Variants in TADA2A observed in about 807,000 individuals in gnomAD.
The protein encoded by TADA2A is transcriptional adapter 2-alpha.
In TADA2A, 38 loss-of-function variants were observed where a neutral mutation model predicts 67.4. That is an observed-to-expected ratio of 0.56 (90% confidence interval 0.44 to 0.74). The LOEUF is 0.74. Ranked by LOEUF, TADA2A falls within the 30% of genes least tolerant of loss-of-function variation. The probability of loss-of-function intolerance (pLI) is 0.00; values close to 1 mark genes in which losing one functional copy is unlikely to be tolerated. For missense variants in TADA2A, 454 were observed against 547.0 expected (o/e 0.83, Z 1.70); for synonymous variants, 192 against 181.6 (o/e 1.06, Z -0.46).
intron 7 of TADA2A, among the ~76,000 whole-genome samples, chr17:37,443,630 A>G (rs1204991717): frequency 6.6e-6 from 1 of 152,202 alleles, no homozygotes; most frequent in African/African-American, 2.4e-5. Context: ...TTATTCTATT[A>G]AAGGCCAGAT....
intron 6 of TADA2A, among the ~76,000 whole-genome samples, chr17:37,442,198 C>CTTTTT (rs760306260): frequency 6.4e-4 from 48 of 75,396 alleles, no homozygotes; most frequent in East Asian, 7.6e-4. Context: ...TTTTTCCCGT[C>CTTTTT]TTTTTTTTTT....
At chr17:37,453,793 A>G (rs1289768213) in intron 8 of TADA2A, among the ~76,000 whole-genome samples, 2 of 113,456 alleles carry the variant, frequency 1.8e-5, no homozygotes, top group African/African-American at 7.2e-5. Flanking sequence ...TTTTTGAGAC[A>G]GAGTTTTACT....
At chr17:37,423,949 C>A (rs974266797) in intron 3 of TADA2A, among the ~76,000 whole-genome samples, 4 of 151,900 alleles carry the variant, frequency 2.6e-5, no homozygotes, top group African/African-American at 9.7e-5. Flanking sequence ...GGGGTTTCAC[C>A]ATGTTGGTCA....
chr17:37,409,217 C>T (rs2051778835), intron 1 of TADA2A, among the ~76,000 whole-genome samples: 1 of 152,018 alleles, frequency 6.6e-6, no homozygotes, highest in African/African-American at 2.4e-5. Flanking sequence ...TCCCGAGTAG[C>T]TGGGATTATA....
At chr17:37,451,326 GC>G (rs928071615) in intron 8 of TADA2A, among the ~76,000 whole-genome samples, 7 of 142,208 alleles carry the variant, frequency 4.9e-5, no homozygotes, top group Admixed American at 2.1e-4. Flanking sequence ...TTGTTTTTTG[GC>G]TTTTTTTTTT....
At chr17:37,469,928 C>T (rs2053749776) in intron 12 of TADA2A, among the ~76,000 whole-genome samples, 1 of 152,128 alleles carries the variant, frequency 6.6e-6, no homozygotes, top group South Asian at 2.1e-4. Context: ...ATATTGGCTG[C>T]CTCTAAGAAA....
intron 4 of TADA2A, among the ~76,000 whole-genome samples, chr17:37,431,616 C>T (rs1039735917): frequency 6.6e-6 from 1 of 151,350 alleles, no homozygotes; most frequent in African/African-American, 2.4e-5. Flanking sequence ...GCCCTGTCGC[C>T]CAGGCTGGAG....
chr17:37,465,612 G>A (rs2053648470), intron 11 of TADA2A, 71 bp downstream of exon 11: 1 of 1,589,756 alleles, frequency 6.3e-7, no homozygotes, highest in African/African-American at 1.3e-5. Flanking sequence ...ATAATGGTGT[G>A]TTTTATGTGA....
chr17:37,449,140 C>T (rs1024501876), intron 8 of TADA2A, among the ~76,000 whole-genome samples: 5 of 152,116 alleles, frequency 3.3e-5, no homozygotes, highest in African/African-American at 1.2e-4. Context: ...CCTGCCTCAG[C>T]CTCCCGAGTA....
intron 4 of TADA2A, among the ~76,000 whole-genome samples, chr17:37,434,296 A>G (rs764009604): frequency 6.6e-6 from 1 of 152,196 alleles, no homozygotes; most frequent in Non-Finnish European, 1.5e-5. Context: ...ATATCAGACG[A>G]TACATAATTT....
intron 14 of TADA2A, among the ~76,000 whole-genome samples, chr17:37,473,104 T>C (rs6607275): frequency 0.73 from 107,345 of 148,042 alleles, 39,540 homozygotes; most frequent in East Asian, 0.97. Flanking sequence ...GGACTACAGG[T>C]GAATGCCACC....
At chr17:37,407,371 ATGAC>A (rs2147876749) in intron 1 of TADA2A, 1 of 152,424 alleles carries the variant, frequency 6.6e-6, no homozygotes, top group East Asian at 1.9e-4. Context: ...CGCAGGTAAA[ATGAC>A]TGGCCCAGGC....
In TADA2A at chr17:37,409,995, GTC is replaced by G. The variant is rs1420467010; in HGVS notation, c.-97-1269_-97-1268del. On this transcript the variant is annotated intron_variant, in intron 1 of 15. Transcript: ENST00000615182. Reference sequence around the variant, plus strand: ...AGCCTGGCCAACATGGTGAAACCCTGTCTCTCCTAAAAATACAAAACAATTAG... The same window carrying G: ...AGCCTGGCCAACATGGTGAAACCCTGTCTCCTAAAAATACAAAACAATTAG... 6.6e-5 allele frequency among the ~76,000 whole-genome samples: 10 copies of G among 152,072 alleles called. No homozygotes were observed. In the East Asian group the frequency reaches 1.4e-3, roughly 21 times the overall value.
intron 4 of TADA2A, among the ~76,000 whole-genome samples, chr17:37,430,743 C>T (rs2052544351): frequency 6.6e-6 from 1 of 152,098 alleles, no homozygotes; most frequent in Non-Finnish European, 1.5e-5. Flanking sequence ...TGCCTTGTGC[C>T]TTCTTTGGTG....
intron 8 of TADA2A, among the ~76,000 whole-genome samples, chr17:37,451,010 C>T (rs1412312057): frequency 6.6e-6 from 1 of 151,816 alleles, no homozygotes; most frequent in Non-Finnish European, 1.5e-5. Context: ...TACCAATTAT[C>T]AGCAGTATTT....
At chr17:37,469,477 T>C (rs2053738919) in intron 12 of TADA2A, among the ~76,000 whole-genome samples, 1 of 151,506 alleles carries the variant, frequency 6.6e-6, no homozygotes, top group Admixed American at 6.6e-5. Flanking sequence ...CTACTAAAAA[T>C]ACAAAATTAG....
intron 8 of TADA2A, among the ~76,000 whole-genome samples, chr17:37,449,021 T>C (rs1181102468): frequency 6.6e-6 from 1 of 152,252 alleles, no homozygotes; most frequent in African/African-American, 2.4e-5. Flanking sequence ...TTCACTGTTT[T>C]TTTTTTTTAT....
chr17:37,429,780 T>C (rs2052517969), intron 4 of TADA2A, among the ~76,000 whole-genome samples: 1 of 150,812 alleles, frequency 6.6e-6, no homozygotes, highest in Non-Finnish European at 1.5e-5. Flanking sequence ...TTAGAGTTCT[T>C]GGGAGCCAAC....
At chr17:37,470,568 T>A in intron 13 of TADA2A, 36 bp downstream of exon 13, 1 of 1,486,288 alleles carries the variant, frequency 6.7e-7, no homozygotes, top group South Asian at 1.4e-5. Context: ...AGGCATTCTT[T>A]CTGGGATGCC....
Sources: gnomAD v4.1 joint callset for allele counts (sites outside exome capture counted in the v4.1 genomes callset) on GRCh38, gnomAD v4.1.1 for gene constraint, MANE v1.5 for transcripts, NCBI Gene and HGNC (gene_info 2026-07-23, HGNC 2026-07-21) for gene names.